FUT9: variants seen among roughly 807,000 people sequenced by gnomAD.
FUT9 encodes fucosyltransferase 9, also known as 4-galactosyl-N-acetylglucosaminide 3-alpha-L-fucosyltransferase 9.
In FUT9, 15 loss-of-function variants were observed where a neutral mutation model predicts 29.7. The observed-to-expected ratio is 0.51, with a 90% CI of 0.34 to 0.78. The LOEUF is 0.78. Among genes scored for constraint, FUT9 ranks in the 30% least tolerant of loss-of-function variants. FUT9 has a pLI of 0.01. For missense variants in FUT9, 319 were observed against 425.4 expected (o/e 0.75, Z 2.20); for synonymous variants, 169 against 153.7 (o/e 1.10, Z -0.74).
chr6:96,200,958 T>G (rs1396580606), intron 2 of FUT9, among the ~76,000 whole-genome samples: 1 of 152,092 alleles, frequency 6.6e-6, no homozygotes, highest in African/African-American at 2.4e-5. Context: ...TTTGCATCTG[T>G]GTTCATAAGC....
intron 1 of FUT9, among the ~76,000 whole-genome samples, chr6:96,074,859 C>T (rs1251775470): frequency 1.3e-5 from 2 of 152,040 alleles, no homozygotes; most frequent in Non-Finnish European, 2.9e-5. Context: ...TCACTTCATC[C>T]TGGAACTCCT....
chr6:96,124,305 C>A (rs1301369685), intron 2 of FUT9, among the ~76,000 whole-genome samples: 1 of 151,766 alleles, frequency 6.6e-6, no homozygotes, highest in Non-Finnish European at 1.5e-5. Flanking sequence ...GCGCCTGCCA[C>A]CACGACCGGC....
At chr6:96,034,105 T>A (rs1770312158) in intron 1 of FUT9, among the ~76,000 whole-genome samples, 2 of 151,648 alleles carry the variant, frequency 1.3e-5, no homozygotes, top group African/African-American at 4.8e-5. Flanking sequence ...TTGGTAGCAC[T>A]TTTTCAGTAT....
chr6:96,092,381 CACA>C (rs925432194), intron 1 of FUT9, among the ~76,000 whole-genome samples: 9 of 151,832 alleles, frequency 5.9e-5, no homozygotes, highest in African/African-American at 1.9e-4. Context: ...TAGATATATT[CACA>C]ACAAGTATAT....
chr6:96,105,340 T>C (rs890054815), intron 1 of FUT9, among the ~76,000 whole-genome samples: 2 of 152,112 alleles, frequency 1.3e-5, no homozygotes, highest in Admixed American at 1.3e-4. Flanking sequence ...AAAATTGGAG[T>C]GGACTCTTTT....
intron 1 of FUT9, among the ~76,000 whole-genome samples, chr6:96,086,923 T>C (rs1243957244): frequency 6.6e-6 from 1 of 152,186 alleles, no homozygotes; most frequent in Non-Finnish European, 1.5e-5. Context: ...ATAGGTTTCC[T>C]GCAATTCAGG....
intron 2 of FUT9, among the ~76,000 whole-genome samples, chr6:96,176,571 CTG>C (rs1239377426): frequency 1.3e-5 from 2 of 152,106 alleles, no homozygotes; most frequent in Non-Finnish European, 2.9e-5. Context: ...AGTTTGCTGA[CTG>C]TGGATTTAAA....
intron 2 of FUT9, among the ~76,000 whole-genome samples, chr6:96,146,333 T>C (rs1254465803): frequency 6.6e-6 from 1 of 152,208 alleles, no homozygotes; most frequent in Non-Finnish European, 1.5e-5. Flanking sequence ...TTCTATCTAC[T>C]TTATAATTTA....
At position 96,214,660 on chromosome 6, in the gene FUT9, T is replaced by A. The variant is rs189444283; in HGVS notation, c.*10425T>A. ...GGCTTAATCCCAAACAGGTAATATGTGTGGATCAATCATCTCTCCTCCCAT... is the reference window on the plus strand; with the variant it reads ...GGCTTAATCCCAAACAGGTAATATGAGTGGATCAATCATCTCTCCTCCCAT... On this transcript the variant is annotated 3_prime_UTR_variant, in exon 3 of 3. Transcript: ENST00000302103. The A allele has an allele frequency of 6.0e-6, 1 of 167,080 alleles. No individual in the cohort carries two copies. Among genetic ancestry groups the A allele is most frequent in the East Asian group, 1.9e-4 (1 of 5,190 alleles). 10.3% of individuals were successfully genotyped at this position (167,080 alleles called of 1,614,324 possible).
At chr6:96,160,097 T>C (rs1010974991) in intron 2 of FUT9, among the ~76,000 whole-genome samples, 10 of 152,162 alleles carry the variant, frequency 6.6e-5, no homozygotes, top group African/African-American at 2.4e-4. Flanking sequence ...CTTTTGCCCA[T>C]ACAGACATTT....
At chr6:96,024,171 A>G (rs1458006349) in intron 1 of FUT9, among the ~76,000 whole-genome samples, 1 of 151,870 alleles carries the variant, frequency 6.6e-6, no homozygotes, top group Non-Finnish European at 1.5e-5. Context: ...AAATCCAGTT[A>G]AAAACATGAC....
intron 1 of FUT9, among the ~76,000 whole-genome samples, chr6:96,101,088 C>T (rs1321209080): frequency 6.6e-6 from 1 of 152,076 alleles, no homozygotes; most frequent in Admixed American, 6.6e-5. Context: ...ATATTTTTAA[C>T]CTAAGTGTTC....
chr6:96,143,298 T>C (rs1772500155), intron 2 of FUT9, among the ~76,000 whole-genome samples: 1 of 152,204 alleles, frequency 6.6e-6, no homozygotes, highest in Admixed American at 6.5e-5. Flanking sequence ...ATCTTGGACT[T>C]CCCTGCTTCC....
At position 96,213,643 on chromosome 6, in the gene FUT9, G is replaced by A. The variant is rs549191188; in HGVS notation, c.*9408G>A. On this transcript the variant is annotated 3_prime_UTR_variant, in exon 3 of 3. Coordinates refer to ENST00000302103, the MANE Select transcript of FUT9 (RefSeq NM_006581.4). The stretch of plus-strand genomic sequence containing the variant: ...TAACTTTCTGTGTATGTATTATTGC[G>A]ATGCAGACCCAATAGGGTTATTTTA... 1.3e-4 allele frequency: 21 copies of A among 166,550 alleles called. 1 individual carries two copies. The highest frequency in any genetic ancestry group is 3.4e-3 in the Middle Eastern group (1 of 296). The allele number at this position is 166,550 out of a possible 1,614,324, so 10.3% of individuals were successfully genotyped here.
In FUT9 at chr6:96,112,656, G is replaced by C. The variant is rs557774717; in HGVS notation, c.-97-1383G>C. Among the ~76,000 whole-genome samples the C allele has an allele frequency of 6.6e-5, 10 of 152,332 alleles. No individual in the cohort carries two copies. In the South Asian group the frequency reaches 1.4e-3, roughly 22 times the overall value. Reference sequence around the variant, plus strand: ...AAAATCAGAACATAACGTTGTTTGTGTGTGTGCGCAAGCGTGTGTGCATGG... The same window carrying C: ...AAAATCAGAACATAACGTTGTTTGTCTGTGTGCGCAAGCGTGTGTGCATGG... On this transcript the variant is annotated intron_variant, in intron 1 of 2. Transcript: ENST00000302103.
At chr6:96,093,185 G>T (rs138007951) in intron 1 of FUT9, among the ~76,000 whole-genome samples, 117 of 152,166 alleles carry the variant, frequency 7.7e-4, no homozygotes, top group Non-Finnish European at 1.5e-3. Flanking sequence ...ATCAGATATG[G>T]CATCTATTTT....
intron 1 of FUT9, among the ~76,000 whole-genome samples, chr6:96,041,169 T>G (rs75232672): frequency 5.7e-4 from 87 of 151,722 alleles, no homozygotes; most frequent in African/African-American, 2.1e-3. Context: ...GTCTTCCCCA[T>G]CTAGTAGACT....
chr6:96,136,290 T>C (rs1772348519), intron 2 of FUT9, among the ~76,000 whole-genome samples: 1 of 151,850 alleles, frequency 6.6e-6, no homozygotes, highest in African/African-American at 2.4e-5. Context: ...TAATTTAACC[T>C]TTTAGCTTTG....
chr6:96,191,476 T>C (rs1399611294), intron 2 of FUT9, among the ~76,000 whole-genome samples: 1 of 151,882 alleles, frequency 6.6e-6, no homozygotes, highest in Non-Finnish European at 1.5e-5. Context: ...AACTAGAAAA[T>C]CTAGAAGAAA....
Sources: allele counts gnomAD v4.1 joint callset (sites outside exome capture counted in the v4.1 genomes callset), GRCh38; gene constraint gnomAD v4.1.1; transcripts MANE v1.5; gene names NCBI Gene and HGNC (gene_info 2026-07-23, HGNC 2026-07-21).